Variants in SOCS6 observed in about 807,000 individuals in gnomAD.
The protein encoded by SOCS6 is suppressor of cytokine signaling 6.
In SOCS6, 5 loss-of-function variants were observed where a neutral mutation model predicts 27.7. The observed-to-expected ratio is 0.18, with a 90% confidence interval of 0.09 to 0.38. The LOEUF is 0.38. Among genes scored for constraint, SOCS6 ranks in the 10% least tolerant of loss-of-function variants. SOCS6 has a pLI of 1.00. For synonymous variants in SOCS6, 271 were observed against 260.0 expected (o/e 1.04, Z -0.41); for missense variants, 595 against 688.1 (o/e 0.86, Z 1.51).
chr18:70,323,587 A>T (rs1156724622), intron 1 of SOCS6, among the ~76,000 whole-genome samples: 1 of 152,224 alleles, frequency 6.6e-6, no homozygotes, highest in Non-Finnish European at 1.5e-5. Context: ...TACTTCAGAG[A>T]TGAAGCTTTT....
At chr18:70,289,974 A>C (rs1467480155) in intron 1 of SOCS6, among the ~76,000 whole-genome samples, 1 of 152,244 alleles carries the variant, frequency 6.6e-6, no homozygotes, top group Admixed American at 6.5e-5. Context: ...CTTAACGTTC[A>C]GTTGGAATGT....
chr18:70,318,055 A>G (rs139061748), intron 1 of SOCS6, among the ~76,000 whole-genome samples: 205 of 152,268 alleles, frequency 1.3e-3, no homozygotes, highest in African/African-American at 3.8e-3. Context: ...GAGTTTCAGC[A>G]TGTTGGCCGG....
rs1911325304 is a variant in SOCS6, at chr18:70,329,197, T to C, written c.*2921T>C. On this transcript the variant is annotated 3_prime_UTR_variant, in exon 2 of 2. Transcript: ENST00000397942. The stretch of plus-strand genomic sequence containing the variant: ...CTCTTTCTGTCTAAGGAAAACTCTT[T>C]CTACTTGGTGCAATAATCTGAAAAT... 6.0e-6 allele frequency: 1 copy of C among 167,108 alleles called. No individual in the cohort carries two copies. Among genetic ancestry groups the C allele is most frequent in the Non-Finnish European group, 1.5e-5 (1 of 68,120 alleles). 10.4% of individuals were successfully genotyped at this position (167,108 alleles called of 1,614,324 possible). A position where few individuals can be genotyped will look rare whatever the true frequency, so the allele number is the denominator to read the frequency against.
intron 1 of SOCS6, among the ~76,000 whole-genome samples, chr18:70,297,777 A>G (rs12953450): frequency 0.19 from 29,444 of 152,208 alleles, 3,577 homozygotes; most frequent in Non-Finnish European, 0.27. Flanking sequence ...CAATGAATGA[A>G]GTTTATGTTG....
At chr18:70,314,592 A>G (rs995611766) in intron 1 of SOCS6, among the ~76,000 whole-genome samples, 31 of 152,208 alleles carry the variant, frequency 2.0e-4, no homozygotes, top group African/African-American at 7.5e-4. Context: ...CTATACAATC[A>G]CAGTTTGTGT....
In SOCS6 at chr18:70,319,182, C is replaced by CT. The variant is rs917064808; in HGVS notation, c.-126-5354dup. Among the ~76,000 whole-genome samples the CT allele has an allele frequency of 5.3e-4, 81 of 151,534 alleles. 1 individual carries two copies. Among genetic ancestry groups the CT allele is most frequent in the African/African-American group, 1.9e-3 (80 of 41,374 alleles). ...CTTTGGTATCTCTTTTTTATTTTTC[C>CT]TTTTTTTCCTAAGGGAATGGCAAAT... On this transcript the variant is annotated intron_variant, in intron 1 of 1. Coordinates refer to ENST00000397942, the MANE Select transcript of SOCS6 (RefSeq NM_004232.4).
intron 1 of SOCS6, among the ~76,000 whole-genome samples, chr18:70,289,553 C>T (rs2062289046): frequency 2.0e-5 from 3 of 147,196 alleles, no homozygotes; most frequent in South Asian, 2.1e-4. Context: ...GCCTGCGCGG[C>T]TCTGCGCCCC....
intron 1 of SOCS6, among the ~76,000 whole-genome samples, chr18:70,302,178 C>T (rs2062351036): frequency 6.6e-6 from 1 of 151,988 alleles, no homozygotes; most frequent in African/African-American, 2.4e-5. Flanking sequence ...GGTGGGGGCC[C>T]TTGAGCAAGG....
chr18:70,306,035 TA>T (rs2062367862), intron 1 of SOCS6, among the ~76,000 whole-genome samples: 2 of 151,976 alleles, frequency 1.3e-5, no homozygotes, highest in Non-Finnish European at 2.9e-5. Flanking sequence ...CCTAGGAGTT[TA>T]AGACCAGCCT....
chr18:70,305,277 T>C (rs1486732101), intron 1 of SOCS6, among the ~76,000 whole-genome samples: 2 of 152,280 alleles, frequency 1.3e-5, no homozygotes, highest in East Asian at 3.8e-4. Context: ...TTTGACTTAA[T>C]TCTTACCTAT....
chr18:70,319,887 A>G (rs1211874562), intron 1 of SOCS6, among the ~76,000 whole-genome samples: 1 of 152,216 alleles, frequency 6.6e-6, no homozygotes, highest in Non-Finnish European at 1.5e-5. Context: ...ACAGACACAC[A>G]TGATTATTCC....
In SOCS6 at chr18:70,325,099, C is replaced by T. The variant is rs1911146005; in HGVS notation, c.431C>T (p.Ser144Phe). The change falls in exon 2 of 2, where the codon TCC becomes TTC. Residue 144 changes from serine to phenylalanine, a missense_variant. Physicochemically the swap from Ser to Phe is radical, Grantham distance 155 (BLOSUM62 -2). Coordinates refer to ENST00000397942, the MANE Select transcript of SOCS6 (RefSeq NM_004232.4). The surrounding 1 kb of genome is among the most constrained non-coding windows in gnomAD (Gnocchi z 6.3). The stretch of plus-strand genomic sequence containing the variant: ...CCGTGGCCTCTGCGGCCCACAAACT[C>T]CGAGGAGACCTGCATCAAGATGGAG... ...PAPWPLRPTNSEETCIKMEVR... is the reference protein window; with the variant it reads ...PAPWPLRPTNFEETCIKMEVR... 6.2e-7 allele frequency: 1 copy of T among 1,614,004 alleles called. No homozygotes were observed. Among genetic ancestry groups the T allele is most frequent in the Non-Finnish European group, 8.5e-7 (1 of 1,180,052 alleles).
intron 1 of SOCS6, among the ~76,000 whole-genome samples, chr18:70,295,674 G>C (rs2062319836): frequency 6.6e-6 from 1 of 152,222 alleles, no homozygotes; most frequent in Non-Finnish European, 1.5e-5. Flanking sequence ...GCAAATACCA[G>C]TGCAGAGAAT....
intron 1 of SOCS6, among the ~76,000 whole-genome samples, chr18:70,289,577 C>T (rs1486645398): frequency 6.8e-6 from 1 of 147,042 alleles, no homozygotes; most frequent in African/African-American, 2.4e-5. Context: ...CGGGTCCCTC[C>T]TCGGACCTCC....
intron 1 of SOCS6, chr18:70,296,574 G>A (rs1179431996): frequency 1.3e-5 from 2 of 152,260 alleles, no homozygotes; most frequent in East Asian, 3.8e-4. Flanking sequence ...TGTCAGTGGG[G>A]GTCATAGTTG....
At chr18:70,323,697 CTAGA>C (rs1221604800) in intron 1 of SOCS6, among the ~76,000 whole-genome samples, 1 of 152,164 alleles carries the variant, frequency 6.6e-6, no homozygotes, top group East Asian at 1.9e-4. Context: ...AGGAACATCT[CTAGA>C]TAGTTTATTA....
intron 1 of SOCS6, among the ~76,000 whole-genome samples, chr18:70,306,153 T>C (rs1247474275): frequency 6.6e-6 from 1 of 151,886 alleles, no homozygotes; most frequent in South Asian, 2.1e-4. Flanking sequence ...TTGGTTGAGC[T>C]CAGGAGGTCG....
chr18:70,294,453 C>G (rs192621977), intron 1 of SOCS6, among the ~76,000 whole-genome samples: 164 of 151,832 alleles, frequency 1.1e-3, no homozygotes, highest in African/African-American at 3.8e-3. Flanking sequence ...TCCTCACCCC[C>G]TCTTTTATAA....
intron 1 of SOCS6, among the ~76,000 whole-genome samples, chr18:70,297,937 T>C (rs1364487763): frequency 1.3e-5 from 2 of 152,192 alleles, no homozygotes; most frequent in African/African-American, 2.4e-5. Context: ...TACTGCAAAT[T>C]GAATGACAAA....
Sources: gnomAD v4.1 joint callset for allele counts (sites outside exome capture counted in the v4.1 genomes callset) on GRCh38, gnomAD v4.1.1 for gene constraint, Gnocchi (gnomAD v3.1) non-coding constraint, MANE v1.5 for transcripts, NCBI Gene and HGNC (gene_info 2026-07-23, HGNC 2026-07-21) for gene names.